The following LRRC38 variants were observed in gnomAD, a reference collection of about 807,000 sequenced individuals.
LRRC38 encodes the protein leucine rich repeat containing 38.
In LRRC38, 5 loss-of-function variants were observed where a neutral mutation model predicts 16.4. That is an observed-to-expected ratio of 0.31 (90% CI 0.16 to 0.64). LRRC38 has a LOEUF of 0.64. LRRC38 is among the 30% of genes least tolerant of loss of function. The probability of loss-of-function intolerance (pLI) is 0.80; values close to 1 mark genes in which losing one functional copy is unlikely to be tolerated. For synonymous variants in LRRC38, 191 were observed against 190.2 expected (o/e 1.00, Z -0.04); for missense variants, 341 against 401.8 (o/e 0.85, Z 1.29).
intron 1 of LRRC38, among the ~76,000 whole-genome samples, chr1:13,478,822 T>C (rs1035389437): frequency 6.6e-6 from 1 of 152,184 alleles, no homozygotes; most frequent in African/African-American, 2.4e-5. Context: ...GAATAGTATC[T>C]GAGCATCCTC....
At chr1:13,498,803 C>T (rs1052353767) in intron 1 of LRRC38, among the ~76,000 whole-genome samples, 2 of 152,138 alleles carry the variant, frequency 1.3e-5, no homozygotes, top group Non-Finnish European at 1.5e-5. Context: ...GCTTATACAA[C>T]GGAAATGCTT....
At chr1:13,495,181 T>G (rs1256452828) in intron 1 of LRRC38, among the ~76,000 whole-genome samples, 8 of 152,100 alleles carry the variant, frequency 5.3e-5, no homozygotes, top group Non-Finnish European at 1.2e-4. Context: ...AGAATGAGGA[T>G]GAGCTGGTGA....
chr1:13,486,667 T>G (rs916844297), intron 1 of LRRC38, among the ~76,000 whole-genome samples: 7 of 150,058 alleles, frequency 4.7e-5, no homozygotes, highest in African/African-American at 1.5e-4. Flanking sequence ...CTTGGCTCAC[T>G]GAAGCCTCCA....
At chr1:13,502,244 G>A (rs1045889020) in intron 1 of LRRC38, among the ~76,000 whole-genome samples, 1 of 151,858 alleles carries the variant, frequency 6.6e-6, no homozygotes, top group East Asian at 1.9e-4. Flanking sequence ...CCCGGCCAAA[G>A]TCTATTGATT....
At position 13,513,603 on chromosome 1, in the gene LRRC38, G is replaced by A. The variant is rs1437568279; in HGVS notation, c.-10C>T. On this transcript the variant is annotated 5_prime_UTR_variant, in exon 1 of 2. Transcript: ENST00000376085. ...GGGCTCGGGGGCGCATGGCCGGGGG[G>A]CCCGCGCCGGCCGCGGCGAGAAGGA... is the stretch of plus-strand genomic sequence containing the variant. 7 of 1,084,574 alleles carry A rather than the reference G, an allele frequency of 6.5e-6. No homozygotes were observed. Among genetic ancestry groups the A allele is most frequent in the Admixed American group, 5.2e-5 (1 of 19,212 alleles). The allele number at this position is 1,084,574 out of a possible 1,614,324, so 67.2% of individuals were successfully genotyped here.
At chr1:13,512,921 G>GCCCGCC in intron 1 of LRRC38, 42 bp downstream of exon 1, 1 of 1,246,172 alleles carries the variant, frequency 8.0e-7, no homozygotes. Flanking sequence ...GCCTCTCCCT[G>GCCCGCC]CCCCCCTCCC....
intron 1 of LRRC38, among the ~76,000 whole-genome samples, chr1:13,496,042 T>C (rs1022574009): frequency 2.6e-5 from 4 of 152,112 alleles, no homozygotes; most frequent in Admixed American, 6.6e-5. Flanking sequence ...CAAATTGTGA[T>C]TAGAAGGGGT....
chr1:13,491,389 G>A (rs1215440684), intron 1 of LRRC38, among the ~76,000 whole-genome samples: 9 of 152,146 alleles, frequency 5.9e-5, no homozygotes, highest in East Asian at 3.9e-4. Context: ...GTACAGTGGC[G>A]TGATCTCAGC....
chr1:13,485,277 T>TAAAAAAAAAAAAAAAAAA (rs3060199), intron 1 of LRRC38, among the ~76,000 whole-genome samples: 4 of 97,830 alleles, frequency 4.1e-5, no homozygotes, highest in African/African-American at 1.5e-4. Context: ...AACCCCACCT[T>TAAAAAAAAAAAAAAAAAA]AAAAAAAAAA....
intron 1 of LRRC38, among the ~76,000 whole-genome samples, chr1:13,489,885 C>G (rs1260947334): frequency 1.3e-5 from 2 of 152,132 alleles, no homozygotes; most frequent in Non-Finnish European, 2.9e-5. Context: ...GAAGCTACAT[C>G]TGCAGCTTCG....
intron 1 of LRRC38, among the ~76,000 whole-genome samples, chr1:13,495,908 G>A (rs77648604): frequency 1.1e-3 from 164 of 152,258 alleles, no homozygotes; most frequent in African/African-American, 3.8e-3. Context: ...CAGGCACTAT[G>A]TTCTTCCAAG....
intron 1 of LRRC38, among the ~76,000 whole-genome samples, chr1:13,490,227 T>C (rs1425058819): frequency 6.6e-6 from 1 of 152,112 alleles, no homozygotes; most frequent in East Asian, 1.9e-4. Context: ...CGTGACCGGC[T>C]GGCTCACTGT....
At chr1:13,484,007 C>T (rs1638902125) in intron 1 of LRRC38, among the ~76,000 whole-genome samples, 1 of 151,922 alleles carries the variant, frequency 6.6e-6, no homozygotes, top group Non-Finnish European at 1.5e-5. Flanking sequence ...AGATTTATTA[C>T]AACTACTTCT....
chr1:13,480,895 C>T (rs1209120077), intron 1 of LRRC38, among the ~76,000 whole-genome samples: 1 of 152,160 alleles, frequency 6.6e-6, no homozygotes, highest in Non-Finnish European at 1.5e-5. Flanking sequence ...TGTCCTCAAG[C>T]AATCCTCCCA....
In LRRC38 at chr1:13,513,901, T is replaced by C. The variant is rs530559145; in HGVS notation, c.-308A>G. On this transcript the variant is annotated 5_prime_UTR_variant, in exon 1 of 2. Transcript: ENST00000376085. ...TTGGGAGAGGCGGGAGCGGCAGGGGTGGCCGAGTGGCCGTCGCCAAAACGC... is the reference window on the plus strand; with the variant it reads ...TTGGGAGAGGCGGGAGCGGCAGGGGCGGCCGAGTGGCCGTCGCCAAAACGC... 1 of 150,028 alleles carries C rather than the reference T, an allele frequency of 6.7e-6. No homozygotes were observed. Among genetic ancestry groups the C allele is most frequent in the African/African-American group, 2.4e-5 (1 of 41,032 alleles). 9.3% of individuals were successfully genotyped at this position (150,028 alleles called of 1,614,324 possible).
intron 1 of LRRC38, among the ~76,000 whole-genome samples, chr1:13,493,100 AAT>A (rs1639036801): frequency 6.6e-6 from 1 of 152,224 alleles, no homozygotes; most frequent in African/African-American, 2.4e-5. Flanking sequence ...CTATGCTTCA[AAT>A]AGCTTCAAAA....
intron 1 of LRRC38, among the ~76,000 whole-genome samples, chr1:13,489,255 C>T (rs897541709): frequency 6.6e-5 from 10 of 152,174 alleles, no homozygotes; most frequent in Non-Finnish European, 4.4e-5. Flanking sequence ...CTAAGAGAGC[C>T]CAGCCTATGC....
At chr1:13,476,223 G>A (rs1638787531) in intron 1 of LRRC38, 124 bp from the exon 2 acceptor site, 50 of 765,614 alleles carry the variant, frequency 6.5e-5, no homozygotes, top group Admixed American at 1.9e-4. Context: ...TAAAAGGGGG[G>A]AAAAGGCTAA....
chr1:13,503,051 C>T (rs1333779688), intron 1 of LRRC38, among the ~76,000 whole-genome samples: 8 of 152,102 alleles, frequency 5.3e-5, no homozygotes, highest in Non-Finnish European at 1.0e-4. Flanking sequence ...GGACATTTGC[C>T]ACAGGGACCC....
Sources: gnomAD v4.1 joint callset for allele counts (sites outside exome capture counted in the v4.1 genomes callset) on GRCh38, gnomAD v4.1.1 for gene constraint, MANE v1.5 for transcripts, NCBI Gene and HGNC (gene_info 2026-07-23, HGNC 2026-07-21) for gene names.